The following GCN1 variants were observed in gnomAD, a reference collection of about 807,000 sequenced individuals.
GCN1 encodes the protein GCN1 activator of EIF2AK4.
GCN1 carries 90 observed loss-of-function variants against 288.4 expected under a neutral mutation model. The ratio of observed to expected loss-of-function variants is 0.31; its 90% CI spans 0.26 to 0.37. GCN1 has a LOEUF of 0.37. GCN1 is among the 10% of genes least tolerant of loss of function. The pLI is 1.00. For missense variants in GCN1, 2,586 were observed against 3,419.9 expected (o/e 0.76, Z 6.08); for synonymous variants, 1,386 against 1,420.2 (o/e 0.98, Z 0.54).
rs1878378078 is a variant in GCN1 at position 120,173,638 on chromosome 12, T to C, written c.1366+15A>G. ...TGCAAGGAGACCTGGACACTAGCCC[T>C]GGGAGTTGTCTTACCCCGGTAAGAG... On this transcript the variant is annotated intron_variant, in intron 14 of 57. Transcript: ENST00000300648. 6.5e-7 allele frequency: 1 copy of C among 1,532,382 alleles called. No individual in the cohort carries two copies. Among genetic ancestry groups the C allele is most frequent in the Non-Finnish European group, 9.0e-7 (1 of 1,106,338 alleles). The allele number at this position is 1,532,382 out of a possible 1,614,324, so 94.9% of individuals were successfully genotyped here.
intron 33 of GCN1, among the ~76,000 whole-genome samples, chr12:120,151,677 A>G (rs1877559762): frequency 6.6e-6 from 1 of 152,240 alleles, no homozygotes; most frequent in African/African-American, 2.4e-5. Context: ...GCAGGGGACC[A>G]AGGAAGGGAC....
intron 15 of GCN1, among the ~76,000 whole-genome samples, chr12:120,168,827 A>T (rs1327565591): frequency 6.6e-6 from 1 of 152,144 alleles, no homozygotes; most frequent in Non-Finnish European, 1.5e-5. Flanking sequence ...ACTGTGAAGT[A>T]AGCACCCTGA....
Position 120,142,838 on chromosome 12 carries a change from CA to C in GCN1, c.5598del (p.Ala1867ProfsTer13). 6.2e-7 allele frequency: 1 copy of C among 1,611,740 alleles called. No homozygotes were observed. The highest frequency in any genetic ancestry group is 8.5e-7 in the Non-Finnish European group (1 of 1,177,794). On this transcript the variant is annotated frameshift_variant, in exon 43 of 58. Coordinates refer to ENST00000300648, the MANE Select transcript of GCN1 (RefSeq NM_006836.2). LOFTEE classifies it high-confidence loss of function. This position sits in a 1 kb window ranked among gnomAD's most constrained non-coding sequence, Gnocchi z 4.9. ...ACTGCAGGCACCTTGTTGGACTGGG[CA>C]GTTCCAAAGTTATCATCCTCAGAGG... ...ETASEDDNFGTAQSNKAIITA... is the reference protein window; with the variant it reads ...ETASEDDNFGXAQSNKAIITA...
At chr12:120,154,672 A>G (rs955873437) in intron 31 of GCN1, among the ~76,000 whole-genome samples, 1 of 152,202 alleles carries the variant, frequency 6.6e-6, no homozygotes, top group Admixed American at 6.5e-5. Context: ...CACTCTAAGG[A>G]ACTTACTTAG....
At chr12:120,184,578 G>C (rs1381687320) in intron 3 of GCN1, among the ~76,000 whole-genome samples, 2 of 152,192 alleles carry the variant, frequency 1.3e-5, no homozygotes, top group African/African-American at 4.8e-5. Flanking sequence ...GCAGGCAACT[G>C]TTCCAGGCAC....
chr12:120,129,213 C>G lies in GCN1; in HGVS notation c.7890+63G>C, dbSNP rs1224319009. 1.0e-5 allele frequency: 12 copies of G among 1,191,560 alleles called. No individual in the cohort carries two copies. The Admixed American group carries it at 1.2e-4, about 12-fold the overall frequency. The allele number at this position is 1,191,560 out of a possible 1,614,324, so 73.8% of individuals were successfully genotyped here. A position where few individuals can be genotyped will look rare whatever the true frequency, so the allele number is the denominator to read the frequency against. ...AGCCTGTGGTTTAAATATTTCCATG[C>G]TGAAGAAGAGCTGAAAGACAAATGC... On this transcript the variant is annotated intron_variant, in intron 57 of 57. Coordinates refer to ENST00000300648, the MANE Select transcript of GCN1 (RefSeq NM_006836.2).
intron 16 of GCN1, among the ~76,000 whole-genome samples, chr12:120,167,176 CT>C (rs1432244415): frequency 6.6e-6 from 1 of 150,664 alleles, no homozygotes; most frequent in Non-Finnish European, 1.5e-5. Context: ...CCCATCTCTA[CT>C]AAGAAAAAAA....
In GCN1 at chr12:120,137,295, C is replaced by A; in HGVS notation, c.6688G>T (p.Ala2230Ser). ...TKKLDAGNQL[A>S]LIEELHKEIR... ...TCCTTGTGCAGCTCTTCAATGAGTGCCAACTGGTTGCCAGCATCCAGCTTC... is the reference window on the plus strand; with the variant it reads ...TCCTTGTGCAGCTCTTCAATGAGTGACAACTGGTTGCCAGCATCCAGCTTC... Residue 2230 changes from alanine to serine, a missense_variant, in exon 50 of 58, where the codon GCA becomes TCA. Coordinates refer to ENST00000300648, the MANE Select transcript of GCN1 (RefSeq NM_006836.2). The surrounding 1 kb of genome is among the most constrained non-coding windows in gnomAD (Gnocchi z 5.2). 1 of 1,614,008 alleles carries A rather than the reference C, an allele frequency of 6.2e-7. No individual in the cohort carries two copies. The highest frequency in any genetic ancestry group is 2.2e-5 in the East Asian group (1 of 44,880).
Position 120,139,732 on chromosome 12 carries a change from C to G in GCN1, c.5995-876G>C, listed in dbSNP as rs1220358598. Among the ~76,000 whole-genome samples, 3 of 152,188 alleles carry G rather than the reference C, an allele frequency of 2.0e-5. No individual in the cohort carries two copies. In the East Asian group the frequency reaches 5.8e-4, roughly 29 times the overall value. Reference sequence around the variant, plus strand: ...TTTTAGGTGAATTCTCAATATACCTCCCATCTTCTCTAAGAACTGCAAACT... The same window carrying G: ...TTTTAGGTGAATTCTCAATATACCTGCCATCTTCTCTAAGAACTGCAAACT... On this transcript the variant is annotated intron_variant, in intron 45 of 57. Coordinates refer to ENST00000300648, the MANE Select transcript of GCN1 (RefSeq NM_006836.2).
chr12:120,187,902 C>CAAAAAAAAAAAAAAAAAAAAAAAAAA (rs1566321769), intron 2 of GCN1, among the ~76,000 whole-genome samples: 2 of 139,350 alleles, frequency 1.4e-5, no homozygotes, highest in African/African-American at 2.7e-5. Context: ...AAAAAAAAAA[C>CAAAAAAAAAAAAAAAAAAAAAAAAAA]AAAAAACTAG....
intron 10 of GCN1, 133 bp downstream of exon 10, chr12:120,176,010 C>A: frequency 7.7e-7 from 1 of 1,297,094 alleles, no homozygotes; most frequent in Non-Finnish European, 1.1e-6. Flanking sequence ...AAGAAACTGC[C>A]AATGCCAATG....
At position 120,153,808 on chromosome 12, in the gene GCN1, C is replaced by T. The variant is rs1341306715; in HGVS notation, c.3803G>A (p.Arg1268Gln). 8 of 1,613,906 alleles carry T rather than the reference C, an allele frequency of 5.0e-6. No individual in the cohort carries two copies. Among genetic ancestry groups the T allele is most frequent in the African/African-American group, 2.7e-5 (2 of 74,908 alleles). ...QFFVPDALND[R>Q]HPDVRKCMLD... ...CATGCACTTCCGGACATCTGGGTGT[C>T]GGTCATTGAGGGCATCAGGGACAAA... Residue 1268 changes from arginine to glutamine, a missense_variant, in exon 32 of 58, where the codon CGA (arginine) becomes CAA (glutamine). By Grantham distance (43) the Arg-to-Gln change is conservative. Transcript: ENST00000300648. This position sits in a 1 kb window ranked among gnomAD's most constrained non-coding sequence, Gnocchi z 4.4.
chr12:120,178,529 G>A, intron 7 of GCN1, 96 bp downstream of exon 7: 1 of 1,264,010 alleles, frequency 7.9e-7, no homozygotes, highest in Non-Finnish European at 1.1e-6. Flanking sequence ...AACAGCTAGG[G>A]TCACCAGGGC....
intron 2 of GCN1, among the ~76,000 whole-genome samples, chr12:120,185,130 C>G (rs1393185260): frequency 6.6e-6 from 1 of 152,206 alleles, no homozygotes; most frequent in Non-Finnish European, 1.5e-5. Flanking sequence ...GCCTCGAAAC[C>G]TCACATGCCA....
intron 5 of GCN1, among the ~76,000 whole-genome samples, chr12:120,181,389 CAGG>C (rs764246031): frequency 3.2e-4 from 44 of 137,666 alleles, no homozygotes; most frequent in Non-Finnish European, 2.3e-4. Flanking sequence ...CGCTTGAGCC[CAGG>C]AGGTCAAGGC....
intron 14 of GCN1, among the ~76,000 whole-genome samples, chr12:120,172,897 G>A (rs1266717380): frequency 2.0e-5 from 3 of 152,186 alleles, no homozygotes; most frequent in African/African-American, 7.2e-5. Flanking sequence ...AGTAATAGAG[G>A]TTTATAGCTT....
At position 120,190,513 on chromosome 12, in the gene GCN1, C is replaced by T. The variant is rs979881254; in HGVS notation, c.19-113G>A. 5.8e-6 allele frequency: 4 copies of T among 687,712 alleles called. No homozygotes were observed. The African/African-American group carries it at 7.1e-5, about 12-fold the overall frequency. The allele number at this position is 687,712 out of a possible 1,614,324, so 42.6% of individuals were successfully genotyped here. A position where few individuals can be genotyped will look rare whatever the true frequency, so the allele number is the denominator to read the frequency against. On this transcript the variant is annotated intron_variant, in intron 1 of 57. Coordinates refer to ENST00000300648, the MANE Select transcript of GCN1 (RefSeq NM_006836.2). ...ATCTCTCTAACCTGGGGTTTCTCAA[C>T]CTCCCCACTGGTGACATTTTGCACC...
Position 120,132,025 on chromosome 12 carries a change from G to A in GCN1, c.7318-3C>T, listed in dbSNP as rs1481275871. ...GCTGAGGAGATGCGAGTGTTGTCCT[G>A]ACAGGGAAGAGAAGGGAGTGAGGGG... On this transcript the variant is annotated splice_polypyrimidine_tract_variant and splice_region_variant and intron_variant, in intron 53 of 57. Coordinates refer to ENST00000300648, the MANE Select transcript of GCN1 (RefSeq NM_006836.2). 6.3e-7 allele frequency: 1 copy of A among 1,576,222 alleles called. No individual in the cohort carries two copies. Among genetic ancestry groups the A allele is most frequent in the African/African-American group, 1.3e-5 (1 of 74,318 alleles).
Position 120,138,403 on chromosome 12 carries a change from C to A in GCN1, c.6169G>T (p.Val2057Leu). 6.2e-7 allele frequency: 1 copy of A among 1,604,608 alleles called. No individual in the cohort carries two copies. Among genetic ancestry groups the A allele is most frequent in the Non-Finnish European group, 8.5e-7 (1 of 1,171,302 alleles). The change falls in exon 47 of 58, where the codon GTG becomes TTG. Residue 2057 changes from valine to leucine, a missense_variant. Val to Leu is a conservative substitution (Grantham distance 32). Coordinates refer to ENST00000300648, the MANE Select transcript of GCN1 (RefSeq NM_006836.2). Reference sequence around the variant, plus strand: ...AGACCATCCAAGGCAAACTCTGACACCTCCTCGTCATCCTGCAGAGGGTGT... The same window carrying A: ...AGACCATCCAAGGCAAACTCTGACAACTCCTCGTCATCCTGCAGAGGGTGT... ...FLLKQLDDEEVSEFALDGLKQ... is the reference protein window; with the variant it reads ...FLLKQLDDEELSEFALDGLKQ...
Sources: gnomAD v4.1 joint callset for allele counts (sites outside exome capture counted in the v4.1 genomes callset) on GRCh38, gnomAD v4.1.1 for gene constraint, Gnocchi (gnomAD v3.1) non-coding constraint, MANE v1.5 for transcripts, NCBI Gene and HGNC (gene_info 2026-07-23, HGNC 2026-07-21) for gene names.